Variants in EIF4G3 observed in about 807,000 individuals in gnomAD.
EIF4G3 encodes eukaryotic translation initiation factor 4 gamma 3.
Under a neutral mutation model 186.4 loss-of-function variants are expected in EIF4G3, and 34 were observed. The ratio of observed to expected loss-of-function variants is 0.18; its 90% CI spans 0.14 to 0.24. The LOEUF is 0.24. EIF4G3 is among the 10% of genes least tolerant of loss of function. EIF4G3 has a pLI of 1.00. For missense variants in EIF4G3, 1,536 were observed against 1,948.5 expected (o/e 0.79, Z 3.99); for synonymous variants, 673 against 679.5 (o/e 0.99, Z 0.15).
At chr1:20,927,249 G>A (rs916833116) in intron 14 of EIF4G3, among the ~76,000 whole-genome samples, 4 of 152,172 alleles carry the variant, frequency 2.6e-5, no homozygotes, top group Middle Eastern at 3.4e-3. Context: ...CTAGGTTGAA[G>A]ACAGCATCAA....
chr1:20,895,398 C>A lies in EIF4G3; in HGVS notation c.2103G>T (p.Leu701=). Residue 701 remains leucine, a synonymous_variant, in exon 17 of 37, where the codon CTG becomes CTT. Coordinates refer to ENST00000602326, the MANE Select transcript of EIF4G3 (RefSeq NM_001391906.1). ...CAAGAACCACATCACTGATAGGAGGCAGGCCCTCTGGTTTTTGTATACAGG... is the reference window on the plus strand; with the variant it reads ...CAAGAACCACATCACTGATAGGAGGAAGGCCCTCTGGTTTTTGTATACAGG... The part of the protein sequence containing the change: ...MPACIQKPEG[L]PPISDVVLDK... 1 of 1,613,944 alleles carries A rather than the reference C, an allele frequency of 6.2e-7. No individual in the cohort carries two copies. The highest frequency in any genetic ancestry group is 8.5e-7 in the Non-Finnish European group (1 of 1,179,890).
At chr1:21,155,346 A>G (rs1005791394) in intron 2 of EIF4G3, among the ~76,000 whole-genome samples, 1 of 152,008 alleles carries the variant, frequency 6.6e-6, no homozygotes, top group Non-Finnish European at 1.5e-5. Context: ...TAACTGAAAC[A>G]GTTCCTTTTC....
chr1:20,827,306 C>T (rs1325982428), intron 32 of EIF4G3, among the ~76,000 whole-genome samples: 2 of 152,076 alleles, frequency 1.3e-5, no homozygotes, highest in East Asian at 1.9e-4. Context: ...TGGAGCTTTT[C>T]GTTGAAATCT....
intron 2 of EIF4G3, among the ~76,000 whole-genome samples, chr1:21,129,937 T>G (rs1363154010): frequency 6.6e-6 from 1 of 152,024 alleles, no homozygotes; most frequent in Non-Finnish European, 1.5e-5. Context: ...ATACACCAGG[T>G]CCGCATAAGG....
chr1:20,945,466 A>ATGTTT (rs2095898076), intron 13 of EIF4G3, among the ~76,000 whole-genome samples: 1 of 152,088 alleles, frequency 6.6e-6, no homozygotes, highest in Non-Finnish European at 1.5e-5. Context: ...AATAAAAGAT[A>ATGTTT]TGTTTTGTTC....
In EIF4G3 at chr1:20,925,447, C is replaced by T. The variant is rs72976285; in HGVS notation, c.1663+16044G>A. Among the ~76,000 whole-genome samples, 723 of 152,240 alleles carry T rather than the reference C, an allele frequency of 4.7e-3. 3 individuals carry two copies. Among genetic ancestry groups the T allele is most frequent in the African/African-American group, 0.015 (626 of 41,542 alleles). On this transcript the variant is annotated intron_variant, in intron 14 of 36. Coordinates refer to ENST00000602326, the MANE Select transcript of EIF4G3 (RefSeq NM_001391906.1). ...TTGAATGAATGACAACTATTAATAA[C>T]GGTATTATGTTACAAAAGCCCTAAT...
At chr1:20,928,195 T>C (rs1196639591) in intron 14 of EIF4G3, among the ~76,000 whole-genome samples, 1 of 152,156 alleles carries the variant, frequency 6.6e-6, no homozygotes, top group African/African-American at 2.4e-5. Flanking sequence ...TTTTTATGTA[T>C]ACACTATATA....
At chr1:20,837,465 A>T (rs2067100919) in intron 30 of EIF4G3, among the ~76,000 whole-genome samples, 3 of 152,062 alleles carry the variant, frequency 2.0e-5, no homozygotes, top group Non-Finnish European at 2.9e-5. Context: ...CGGCCTCCCA[A>T]AGTGCTGGGA....
intron 12 of EIF4G3, among the ~76,000 whole-genome samples, chr1:20,960,076 A>G (rs1050580091): frequency 2.0e-5 from 3 of 152,240 alleles, no homozygotes; most frequent in Admixed American, 1.3e-4. Flanking sequence ...TCATATGAAA[A>G]AGAGATTTGA....
intron 13 of EIF4G3, among the ~76,000 whole-genome samples, chr1:20,943,957 A>C (rs1047376559): frequency 2.3e-5 from 3 of 128,198 alleles, no homozygotes; most frequent in Non-Finnish European, 3.2e-5. Context: ...TTTCAGGAAA[A>C]CTTGTCTTTA....
chr1:20,882,201 A>T (rs906564597), intron 19 of EIF4G3, among the ~76,000 whole-genome samples: 1 of 151,792 alleles, frequency 6.6e-6, no homozygotes, highest in Non-Finnish European at 1.5e-5. Context: ...ACACACACAC[A>T]CACACACACA....
At chr1:20,934,116 C>T (rs907867144) in intron 14 of EIF4G3, among the ~76,000 whole-genome samples, 10 of 152,004 alleles carry the variant, frequency 6.6e-5, no homozygotes, top group Admixed American at 1.3e-4. Flanking sequence ...AAATTACACT[C>T]GACCTAACTT....
In EIF4G3 at chr1:21,107,286, C is replaced by T. The variant is rs189053996; in HGVS notation, c.-271-18073G>A. ...CTGCCTCTTAATTCAAGCAATTCTC[C>T]TGCCTCAGCCTCCTTAAAAACTGGG... On this transcript the variant is annotated intron_variant, in intron 2 of 36. Coordinates refer to ENST00000602326, the MANE Select transcript of EIF4G3 (RefSeq NM_001391906.1). Among the ~76,000 whole-genome samples the T allele has an allele frequency of 7.1e-3, 1,081 of 152,256 alleles. 8 individuals carry two copies. The highest frequency in any genetic ancestry group is 0.017 in the Middle Eastern group (5 of 294).
Position 20,939,284 on chromosome 1 carries a change from C to T in EIF4G3, c.1663+2207G>A, listed in dbSNP as rs1041497787. Among the ~76,000 whole-genome samples, 9 of 152,010 alleles carry T rather than the reference C, an allele frequency of 5.9e-5. No individual in the cohort carries two copies. In the South Asian group the frequency reaches 1.0e-3, roughly 18 times the overall value. ...GAAAAATGCCAAGAAACTTTACCTC[C>T]CAACATCACAAACCTCTGTTATTCC... On this transcript the variant is annotated intron_variant, in intron 14 of 36. Coordinates refer to ENST00000602326, the MANE Select transcript of EIF4G3 (RefSeq NM_001391906.1).
At chr1:20,979,307 C>T (rs1292424413) in intron 10 of EIF4G3, among the ~76,000 whole-genome samples, 1 of 151,984 alleles carries the variant, frequency 6.6e-6, no homozygotes, top group Non-Finnish European at 1.5e-5. Context: ...GAACTAATAC[C>T]CAAAACCTCC....
At chr1:21,131,783 G>A (rs1383297134) in intron 2 of EIF4G3, among the ~76,000 whole-genome samples, 1 of 152,204 alleles carries the variant, frequency 6.6e-6, no homozygotes, top group East Asian at 1.9e-4. Flanking sequence ...GACTAGCCTA[G>A]CCAACATGGC....
At chr1:21,158,690 T>C (rs1433597718) in intron 2 of EIF4G3, among the ~76,000 whole-genome samples, 3 of 152,018 alleles carry the variant, frequency 2.0e-5, no homozygotes, top group African/African-American at 4.8e-5. Context: ...GCAGTAGAAT[T>C]ACCTGAGTTT....
In EIF4G3 at chr1:21,071,432, A is replaced by G. The variant is rs572898515; in HGVS notation, c.-196+17706T>C. On this transcript the variant is annotated intron_variant, in intron 3 of 36. Coordinates refer to ENST00000602326, the MANE Select transcript of EIF4G3 (RefSeq NM_001391906.1). ...ACCTGTCTCCAAAAAACCAAAGAGA[A>G]ACACATCCACTCCATGTAATCCTCC... Among the ~76,000 whole-genome samples the G allele has an allele frequency of 1.8e-4, 28 of 152,246 alleles. No homozygotes were observed. The Middle Eastern group carries it at 0.01, about 55-fold the overall frequency.
At chr1:20,872,671 A>C (rs2079543841) in intron 20 of EIF4G3, among the ~76,000 whole-genome samples, 1 of 151,506 alleles carries the variant, frequency 6.6e-6, no homozygotes, top group South Asian at 2.1e-4. Context: ...CCTTGTCTCC[A>C]AAGTTATACA....
Sources: allele counts gnomAD v4.1 joint callset (sites outside exome capture counted in the v4.1 genomes callset), GRCh38; gene constraint gnomAD v4.1.1; transcripts MANE v1.5; gene names NCBI Gene and HGNC (gene_info 2026-07-23, HGNC 2026-07-21).